The following PCDHGA6 variants were observed in gnomAD, a reference collection of about 807,000 sequenced individuals.
The protein encoded by PCDHGA6 is protocadherin gamma subfamily A, 6, also known as protocadherin gamma-A6.
PCDHGA6 carries 41 observed loss-of-function variants against 60.6 expected under a neutral mutation model. The ratio of observed to expected loss-of-function variants is 0.68; its 90% confidence interval spans 0.53 to 0.88. The LOEUF is 0.88. Ranked by LOEUF, PCDHGA6 falls within the 40% of genes least tolerant of loss-of-function variation. PCDHGA6 has a pLI of 0.00. For synonymous variants in PCDHGA6, 594 were observed against 524.4 expected (o/e 1.13, Z -1.81); for missense variants, 1,312 against 1,203.0 (o/e 1.09, Z -1.34).
chr5:141,407,869 A>T lies in PCDHGA6; in HGVS notation c.2424+31362A>T, dbSNP rs1031666668. ...GGATGTACACCTGCATTTTCGAAGA[A>T]TATATACATTTCGGAGACCGAATTC... On this transcript the variant is annotated intron_variant, in intron 1 of 3. Coordinates refer to ENST00000517434, the MANE Select transcript of PCDHGA6 (RefSeq NM_018919.3). Among the ~76,000 whole-genome samples, 20 of 152,262 alleles carry T rather than the reference A, an allele frequency of 1.3e-4. No homozygotes were observed. The East Asian group carries it at 1.5e-3, about 12-fold the overall frequency.
intron 1 of PCDHGA6, chr5:141,478,242 T>C (rs750487479): frequency 6.2e-7 from 1 of 1,614,156 alleles, no homozygotes; most frequent in Admixed American, 1.7e-5. Context: ...GTGGTCACAG[T>C]GTTCGGAGTA....
At chr5:141,417,913 T>C in intron 1 of PCDHGA6, 1 of 1,601,944 alleles carries the variant, frequency 6.2e-7, no homozygotes, top group Admixed American at 1.8e-5. Context: ...AGGTACTATT[T>C]CCTTTGCTGC....
chr5:141,394,004 A>G (rs1220367944), intron 1 of PCDHGA6: 6 of 1,613,378 alleles, frequency 3.7e-6, no homozygotes, highest in Non-Finnish European at 4.2e-6. Context: ...TAGAAAAGTC[A>G]ATAGGTAATT....
At chr5:141,417,690 A>T in intron 1 of PCDHGA6, 1 of 1,077,126 alleles carries the variant, frequency 9.3e-7, no homozygotes, top group East Asian at 2.6e-5. Context: ...AGAAAAGAAA[A>T]CCAGCTCCCA....
At chr5:141,378,050 A>C (rs1339661342) in intron 1 of PCDHGA6, 2 of 152,190 alleles carry the variant, frequency 1.3e-5, no homozygotes, top group Admixed American at 1.3e-4. Context: ...TTCCTTATCT[A>C]TCTGACTCAA....
At chr5:141,397,462 G>A (rs1415733475) in intron 1 of PCDHGA6, among the ~76,000 whole-genome samples, 1 of 152,152 alleles carries the variant, frequency 6.6e-6, no homozygotes, top group Non-Finnish European at 1.5e-5. Context: ...TAGAAATATT[G>A]GGGAGTTGGA....
intron 2 of PCDHGA6, among the ~76,000 whole-genome samples, chr5:141,502,908 C>G (rs1398336138): frequency 1.5e-5 from 2 of 132,418 alleles, no homozygotes; most frequent in Non-Finnish European, 3.0e-5. Flanking sequence ...TGTTGCCAGG[C>G]TGGAGTGCAG....
intron 1 of PCDHGA6, among the ~76,000 whole-genome samples, chr5:141,443,772 C>T (rs1284723564): frequency 6.6e-6 from 1 of 151,568 alleles, no homozygotes; most frequent in Non-Finnish European, 1.5e-5. Context: ...TACAATATTA[C>T]CAAAAAGACA....
intron 1 of PCDHGA6, among the ~76,000 whole-genome samples, chr5:141,450,379 A>C (rs1269979263): frequency 6.6e-6 from 1 of 152,144 alleles, no homozygotes; most frequent in Non-Finnish European, 1.5e-5. Flanking sequence ...GTTTATATGA[A>C]ACTGACATTT....
In PCDHGA6 at chr5:141,486,049, C is replaced by T. The variant is rs766853468; in HGVS notation, c.2425-8758C>T. 1 of 1,614,206 alleles carries T rather than the reference C, an allele frequency of 6.2e-7. No homozygotes were observed. The highest frequency in any genetic ancestry group is 8.5e-7 in the Non-Finnish European group (1 of 1,180,034). ...ATACCCCTGATCGTGTAAGAAACCT[C>T]TTTAGCCTGCACCCCACTACTGGAA... On this transcript the variant is annotated intron_variant, in intron 1 of 3. Transcript: ENST00000517434. The surrounding 1 kb of genome is among the most constrained non-coding windows in gnomAD (Gnocchi z 5.0).
At chr5:141,408,556 T>G (rs1215804867) in intron 1 of PCDHGA6, 1 of 1,613,940 alleles carries the variant, frequency 6.2e-7, no homozygotes, top group Non-Finnish European at 8.5e-7. Context: ...ATATTTTTCA[T>G]GTCATTGTGG....
Position 141,511,107 on chromosome 5 carries a change from G to A in PCDHGA6, c.2733G>A (p.Arg911=), listed in dbSNP as rs2099883608. 1 of 1,614,220 alleles carries A rather than the reference G, an allele frequency of 6.2e-7. No homozygotes were observed. Among genetic ancestry groups the A allele is most frequent in the Non-Finnish European group, 8.5e-7 (1 of 1,180,020 alleles). Residue 911 remains arginine, a synonymous_variant, in exon 4 of 4, where the codon CGG becomes CGA. Coordinates refer to ENST00000517434, the MANE Select transcript of PCDHGA6 (RefSeq NM_018919.3). Reference sequence around the variant, plus strand: ...CACTGACCAACGCAGCTGGCAAGCGGGATGGCAAGGCCCCAGCAGGTGGCA... The same window carrying A: ...CACTGACCAACGCAGCTGGCAAGCGAGATGGCAAGGCCCCAGCAGGTGGCA... The part of the protein sequence containing the change: ...NATLTNAAGK[R]DGKAPAGGNG...
At chr5:141,510,824 A>G (rs947400590) in intron 3 of PCDHGA6, 123 bp from the exon 4 acceptor site, 2 of 1,563,416 alleles carry the variant, frequency 1.3e-6, no homozygotes, top group Non-Finnish European at 1.7e-6. Flanking sequence ...CTATATTCCC[A>G]GTGCTCAGCG....
intron 1 of PCDHGA6, chr5:141,393,093 G>T: frequency 2.5e-6 from 4 of 1,613,620 alleles, no homozygotes; most frequent in Non-Finnish European, 3.4e-6. Context: ...AGATCGGGAG[G>T]AGCTCTGCGC....
At chr5:141,481,346 C>T (rs2099536003) in intron 1 of PCDHGA6, among the ~76,000 whole-genome samples, 1 of 152,248 alleles carries the variant, frequency 6.6e-6, no homozygotes, top group Non-Finnish European at 1.5e-5. Context: ...ATTATTTAAA[C>T]ATCTACAGCT....
At position 141,485,398 on chromosome 5, in the gene PCDHGA6, C is replaced by T. The variant is rs906016330; in HGVS notation, c.2425-9409C>T. The T allele has an allele frequency of 1.3e-5, 21 of 1,614,044 alleles. No individual in the cohort carries two copies. The highest frequency in any genetic ancestry group is 1.8e-5 in the Non-Finnish European group (21 of 1,179,928). On this transcript the variant is annotated intron_variant, in intron 1 of 3. Coordinates refer to ENST00000517434, the MANE Select transcript of PCDHGA6 (RefSeq NM_018919.3). This position sits in a 1 kb window ranked among gnomAD's most constrained non-coding sequence, Gnocchi z 5.7. ...CTGGAGAGGTGAACCAAAGACACTT[C>T]CGTGTGGATTTGGACAGCGGAGCCC...
chr5:141,404,002 A>T, intron 1 of PCDHGA6: 1 of 1,613,928 alleles, frequency 6.2e-7, no homozygotes, highest in Non-Finnish European at 8.5e-7. Flanking sequence ...TGACCATTAC[A>T]TCTCTGTTTA....
chr5:141,489,692 G>C lies in PCDHGA6; in HGVS notation c.2425-5115G>C, dbSNP rs768806028. The stretch of plus-strand genomic sequence containing the variant: ...TCAGAATCAGCAGCATCTGGGGCAC[G>C]ATTCCCACTGGACAGTGCCCAGGAT... On this transcript the variant is annotated intron_variant, in intron 1 of 3. Transcript: ENST00000517434. This position sits in a 1 kb window ranked among gnomAD's most constrained non-coding sequence, Gnocchi z 4.5. 6.2e-7 allele frequency: 1 copy of C among 1,614,128 alleles called. No individual in the cohort carries two copies. Among genetic ancestry groups the C allele is most frequent in the South Asian group, 1.1e-5 (1 of 91,080 alleles).
chr5:141,385,052 G>A (rs559398944), intron 1 of PCDHGA6: 3 of 1,614,152 alleles, frequency 1.9e-6, no homozygotes, highest in Non-Finnish European at 8.5e-7. Context: ...AGGCTGCGGC[G>A]CTGGCACAAG....
Sources: gnomAD v4.1 joint callset for allele counts (sites outside exome capture counted in the v4.1 genomes callset) on GRCh38, gnomAD v4.1.1 for gene constraint, Gnocchi (gnomAD v3.1) non-coding constraint, MANE v1.5 for transcripts, NCBI Gene and HGNC (gene_info 2026-07-23, HGNC 2026-07-21) for gene names.